The following PRDM16 variants were observed in gnomAD, a reference collection of about 807,000 sequenced individuals.
The protein encoded by PRDM16 is histone-lysine N-methyltransferase PRDM16.
A neutral mutation model predicts 110.6 loss-of-function variants in PRDM16; 23 were observed. The observed-to-expected ratio is 0.21, with a 90% CI of 0.15 to 0.29. PRDM16 has a LOEUF of 0.29. Among genes scored for constraint, PRDM16 ranks in the 10% least tolerant of loss-of-function variants. PRDM16 has a pLI of 1.00. For synonymous variants in PRDM16, 799 were observed against 781.8 expected, an observed-to-expected ratio of 1.02 and a Z score of -0.37; for missense variants, 1,615 against 1,794.3, an observed-to-expected ratio of 0.90 and a Z score of 1.81.
intron 3 of PRDM16, among the ~76,000 whole-genome samples, chr1:3,348,164 G>T (rs1270803867): frequency 6.6e-6 from 1 of 152,184 alleles, no homozygotes; most frequent in African/African-American, 2.4e-5. Context: ...CCAGCCTGGG[G>T]GGTCTGGCCC....
chr1:3,429,710 C>T (rs189940288), intron 14 of PRDM16, among the ~76,000 whole-genome samples: 52 of 152,306 alleles, frequency 3.4e-4, no homozygotes, highest in Admixed American at 3.4e-3. Flanking sequence ...CGACCAGGAC[C>T]GAGGAACTCT....
intron 2 of PRDM16, among the ~76,000 whole-genome samples, chr1:3,204,011 G>A (rs1355081000): frequency 1.3e-5 from 2 of 152,186 alleles, no homozygotes; most frequent in Non-Finnish European, 2.9e-5. Context: ...CTGCGGACTC[G>A]AAGGGGACCA....
rs566410310 is a variant in PRDM16 at position 3,356,430 on chromosome 1, G to T, written c.439-28722G>T. Reference sequence around the variant, plus strand: ...GTCCACACCCAATCTGCCCTCCGGGGAGACGGGAGTGGGGGAGGCAAGCAT... The same window carrying T: ...GTCCACACCCAATCTGCCCTCCGGGTAGACGGGAGTGGGGGAGGCAAGCAT... On this transcript the variant is annotated intron_variant, in intron 3 of 16. Coordinates refer to ENST00000270722, the MANE Select transcript of PRDM16 (RefSeq NM_022114.4). Among the ~76,000 whole-genome samples the T allele has an allele frequency of 2.6e-5, 4 of 152,356 alleles. No individual in the cohort carries two copies. In the South Asian group the frequency reaches 6.2e-4, roughly 24 times the overall value.
rs2100797888 is a variant in PRDM16, at chr1:3,186,247, T to C, written c.160T>C (p.Phe54Leu). Residue 54 changes from phenylalanine to leucine, a missense_variant, in exon 2 of 17, where the codon TTC (phenylalanine) becomes CTC (leucine). Phe to Leu is a conservative substitution (Grantham distance 22, BLOSUM62 0). This residue lies in a region of PRDM16 where 416 missense variants were observed against 467.1 expected (regional missense o/e 0.89). Coordinates refer to ENST00000270722, the MANE Select transcript of PRDM16 (RefSeq NM_022114.4). The part of the protein sequence containing the change: ...SPIPVGPPSP[F>L]PTSEDFTPKE... ...CATCCCCGTGGGGCCACCGTCCCCCTTCCCCACCAGCGAGGACTTCACCCC... is the reference window on the plus strand; with the variant it reads ...CATCCCCGTGGGGCCACCGTCCCCCCTCCCCACCAGCGAGGACTTCACCCC... The C allele has an allele frequency of 6.2e-7, 1 of 1,612,290 alleles. No individual in the cohort carries two copies. Among genetic ancestry groups the C allele is most frequent in the South Asian group, 1.1e-5 (1 of 91,030 alleles).
chr1:3,393,756 T>C (rs1218440035), intron 4 of PRDM16, among the ~76,000 whole-genome samples: 1 of 152,106 alleles, frequency 6.6e-6, no homozygotes. Flanking sequence ...TCCGCGCCGC[T>C]GGCAAGGGCG....
At chr1:3,094,795 C>T (rs1040299586) in intron 1 of PRDM16, among the ~76,000 whole-genome samples, 8 of 152,320 alleles carry the variant, frequency 5.3e-5, no homozygotes, top group South Asian at 2.1e-4. Flanking sequence ...CCTGGACTCC[C>T]TGCAGCCAGG....
intron 1 of PRDM16, among the ~76,000 whole-genome samples, chr1:3,159,038 T>C (rs1475124120): frequency 1.3e-5 from 2 of 152,214 alleles, no homozygotes; most frequent in Non-Finnish European, 2.9e-5. Context: ...TCCCAAATGC[T>C]GGGATTGCAG....
rs916521691 is a variant in PRDM16, at chr1:3,190,772, G to A, written c.387+4298G>A. On this transcript the variant is annotated intron_variant, in intron 2 of 16. Coordinates refer to ENST00000270722, the MANE Select transcript of PRDM16 (RefSeq NM_022114.4). The surrounding 1 kb of genome is among the most constrained non-coding windows in gnomAD (Gnocchi z 5.0). ...AAATCACCCGTGAGCGCATTTGCTC[G>A]CCGTGGGGTCTGCAAAAACAATGAT... 2.2e-4 allele frequency among the ~76,000 whole-genome samples: 33 copies of A among 152,348 alleles called. 1 individual carries two copies. The highest frequency in any genetic ancestry group is 1.8e-3 in the Admixed American group (28 of 15,306).
At position 3,431,026 on chromosome 1, in the gene PRDM16, C is replaced by G; in HGVS notation, c.3439C>G (p.Pro1147Ala). 6.4e-7 allele frequency: 1 copy of G among 1,571,764 alleles called. No individual in the cohort carries two copies. Reference sequence around the variant, plus strand: ...GCAGGATGACACCGTGTCCCCCGCACCCGAGCCCCAGGCCGCCTACGAGGA... The same window carrying G: ...GCAGGATGACACCGTGTCCCCCGCAGCCGAGCCCCAGGCCGCCTACGAGGA... ...KSQDDTVSPA[P>A]EPQAAYEDEE... The change falls in exon 15 of 17, where the codon CCC (proline) becomes GCC (alanine). Residue 1147 changes from proline to alanine, a missense_variant. Pro to Ala is a conservative substitution (Grantham distance 27). Transcript: ENST00000270722.
chr1:3,316,078 GA>G (rs1040204192), intron 3 of PRDM16, among the ~76,000 whole-genome samples: 4 of 134,174 alleles, frequency 3.0e-5, no homozygotes, highest in Non-Finnish European at 6.2e-5. Flanking sequence ...AGGCCACACA[GA>G]TAAAGAGCTT....
At chr1:3,310,353 C>T (rs1289134810) in intron 3 of PRDM16, among the ~76,000 whole-genome samples, 11 of 152,260 alleles carry the variant, frequency 7.2e-5, no homozygotes, top group East Asian at 1.9e-4. Flanking sequence ...CTTCCTAAAG[C>T]GACCCGGTCA....
intron 3 of PRDM16, among the ~76,000 whole-genome samples, chr1:3,262,893 C>T (rs563878164): frequency 2.6e-5 from 4 of 152,296 alleles, no homozygotes; most frequent in African/African-American, 7.2e-5. Context: ...AGGACACCTG[C>T]GGTGTGCTGC....
At chr1:3,431,210 TCAGCCCCTACTC>T in intron 15 of PRDM16, 102 bp downstream of exon 15, 1 of 1,477,758 alleles carries the variant, frequency 6.8e-7, no homozygotes, top group Admixed American at 2.1e-5. Flanking sequence ...CATCCCTGGC[TCAGCCCCTACTC>T]CAGCACAGCC....
At chr1:3,280,796 A>G (rs2100325130) in intron 3 of PRDM16, among the ~76,000 whole-genome samples, 1 of 152,304 alleles carries the variant, frequency 6.6e-6, no homozygotes, top group East Asian at 1.9e-4. Context: ...CCCGGGCCAT[A>G]CCCACCCTGT....
At chr1:3,071,221 G>A (rs1007374035) in intron 1 of PRDM16, among the ~76,000 whole-genome samples, 10 of 152,258 alleles carry the variant, frequency 6.6e-5, no homozygotes, top group Non-Finnish European at 1.3e-4. Flanking sequence ...GCGCACCCGC[G>A]CGGCCCTGGA....
intron 3 of PRDM16, among the ~76,000 whole-genome samples, chr1:3,352,791 G>T (rs913273258): frequency 1.5e-4 from 23 of 151,960 alleles, no homozygotes; most frequent in African/African-American, 5.5e-4. Context: ...GACAGCCCCC[G>T]CCCCCAACTC....
rs370235084 is a variant in PRDM16, at chr1:3,212,080, C to T, written c.387+25606C>T. Among the ~76,000 whole-genome samples, 11 of 152,298 alleles carry T rather than the reference C, an allele frequency of 7.2e-5. 1 individual carries two copies. Among genetic ancestry groups the T allele is most frequent in the Admixed American group, 5.9e-4 (9 of 15,302 alleles). On this transcript the variant is annotated intron_variant, in intron 2 of 16. Transcript: ENST00000270722. ...GTGACAGTAACAAGGCTCCCGGGGA[C>T]CCTGCTAATTTGCACTCCATTCACC...
intron 1 of PRDM16, among the ~76,000 whole-genome samples, chr1:3,073,282 ATTAGCCCCCTGTT>A (rs936503973): frequency 6.6e-6 from 1 of 152,200 alleles, no homozygotes; most frequent in Non-Finnish European, 1.5e-5. Flanking sequence ...TGTGGGCCCG[ATTAGCCCCCTGTT>A]TTATTCAATT....
chr1:3,196,179 G>A (rs986671393), intron 2 of PRDM16, among the ~76,000 whole-genome samples: 1 of 152,244 alleles, frequency 6.6e-6, no homozygotes, highest in Non-Finnish European at 1.5e-5. Flanking sequence ...CGGCAGCTGG[G>A]CCCAGACCCG....
Sources: allele counts gnomAD v4.1 joint callset (sites outside exome capture counted in the v4.1 genomes callset), GRCh38; gene constraint gnomAD v4.1.1; regional missense constraint gnomAD v4.1.1; non-coding constraint Gnocchi (gnomAD v3.1); transcripts MANE v1.5; gene names NCBI Gene and HGNC (gene_info 2026-07-23, HGNC 2026-07-21).